EPB41L2: variants seen among roughly 807,000 people sequenced by gnomAD.
EPB41L2 encodes band 4.1-like protein 2.
A neutral mutation model predicts 113.0 loss-of-function variants in EPB41L2; 43 were observed. That is an observed-to-expected ratio of 0.38 (90% CI 0.30 to 0.49). The LOEUF is 0.49. Ranked by LOEUF, EPB41L2 falls within the 20% of genes least tolerant of loss-of-function variation. The pLI is 0.95. For missense variants in EPB41L2, 1,147 were observed against 1,223.4 expected, an observed-to-expected ratio of 0.94 and a Z score of 0.93; for synonymous variants, 442 against 436.7, an observed-to-expected ratio of 1.01 and a Z score of -0.15.
intron 3 of EPB41L2, among the ~76,000 whole-genome samples, chr6:130,952,441 T>C (rs1815506420): frequency 6.6e-6 from 1 of 151,540 alleles, no homozygotes; most frequent in African/African-American, 2.4e-5. Context: ...TATACAACAG[T>C]CTAAATGAAT....
rs923069716 is a variant in EPB41L2 at position 130,885,126 on chromosome 6, T to C, written c.1803A>G (p.Lys601=). ...DGRREVRSPT[K]APHLQLIEGK... ...CTTCAATGAGCTGCAAATGTGGGGC[T>C]TTAGTTGGGCTTCTCACTTCCCTCC... The change falls in exon 12 of 20, where the codon AAA becomes AAG. Residue 601 remains lysine, a synonymous_variant. Coordinates refer to ENST00000337057, the MANE Select transcript of EPB41L2 (RefSeq NM_001431.4). 6 of 1,614,132 alleles carry C rather than the reference T, an allele frequency of 3.7e-6. No homozygotes were observed. Among genetic ancestry groups the C allele is most frequent in the Non-Finnish European group, 5.1e-6 (6 of 1,179,994 alleles).
chr6:130,852,582 ATG>A (rs1046695166), intron 19 of EPB41L2, among the ~76,000 whole-genome samples: 21 of 152,146 alleles, frequency 1.4e-4, no homozygotes, highest in African/African-American at 4.3e-4. Context: ...CCTAAATATG[ATG>A]TGTGATTCTC....
At chr6:131,033,581 A>G (rs558168778) in intron 1 of EPB41L2, among the ~76,000 whole-genome samples, 2 of 152,378 alleles carry the variant, frequency 1.3e-5, no homozygotes, top group East Asian at 3.9e-4. Flanking sequence ...ACATATACAT[A>G]CAATGAAATA....
chr6:131,023,852 CAAAT>C (rs1030222935), intron 1 of EPB41L2, among the ~76,000 whole-genome samples: 1 of 151,098 alleles, frequency 6.6e-6, no homozygotes, highest in Non-Finnish European at 1.5e-5. Context: ...TTTCCCATAT[CAAAT>C]AAATAAACCT....
intron 3 of EPB41L2, among the ~76,000 whole-genome samples, chr6:130,952,329 A>G (rs1263702337): frequency 6.6e-6 from 1 of 151,876 alleles, no homozygotes; most frequent in Non-Finnish European, 1.5e-5. Context: ...ACTCTTACAC[A>G]AGGAAACATG....
chr6:130,980,384 A>G (rs73621588), intron 1 of EPB41L2, among the ~76,000 whole-genome samples: 5,077 of 152,224 alleles, frequency 0.033, 254 homozygotes, highest in African/African-American at 0.1. Context: ...AAGTAGAAAG[A>G]AAGGAAAATG....
chr6:131,049,738 G>A (rs1420847744), intron 1 of EPB41L2, among the ~76,000 whole-genome samples: 1 of 152,138 alleles, frequency 6.6e-6, no homozygotes, highest in East Asian at 1.9e-4. Flanking sequence ...TTTTTCAGTA[G>A]TATTTCAAAA....
At position 130,985,548 on chromosome 6, in the gene EPB41L2, C is replaced by G. The variant is rs534165027; in HGVS notation, c.-14-29049G>C. Among the ~76,000 whole-genome samples the G allele has an allele frequency of 2.0e-5, 3 of 152,242 alleles. No individual in the cohort carries two copies. The South Asian group carries it at 6.2e-4, about 32-fold the overall frequency. ...ACGTCTCCTGCAGCAGGTAGCATGGCCAAGTGAGGTCCAGATGGGACATCG... is the reference window on the plus strand; with the variant it reads ...ACGTCTCCTGCAGCAGGTAGCATGGGCAAGTGAGGTCCAGATGGGACATCG... On this transcript the variant is annotated intron_variant, in intron 1 of 19. Transcript: ENST00000337057.
chr6:131,018,900 G>A (rs1788850604), intron 1 of EPB41L2, among the ~76,000 whole-genome samples: 1 of 152,142 alleles, frequency 6.6e-6, no homozygotes, highest in Non-Finnish European at 1.5e-5. Flanking sequence ...GTTTACTGGT[G>A]TAATTCTCTA....
At chr6:130,971,455 G>C (rs1446322026) in intron 1 of EPB41L2, among the ~76,000 whole-genome samples, 2 of 152,010 alleles carry the variant, frequency 1.3e-5, no homozygotes, top group African/African-American at 4.8e-5. Context: ...CACTATTCTT[G>C]TACTTTTATT....
At position 130,940,464 on chromosome 6, in the gene EPB41L2, C is replaced by A. The variant is rs557168577; in HGVS notation, c.706-13755G>T. 1.1e-4 allele frequency among the ~76,000 whole-genome samples: 16 copies of A among 142,968 alleles called. 1 individual carries two copies. The highest frequency in any genetic ancestry group is 4.2e-4 in the African/African-American group (16 of 37,922). 93.8% of individuals were successfully genotyped at this position (142,968 alleles called of 152,430 possible). A position where few individuals can be genotyped will look rare whatever the true frequency, so the allele number is the denominator to read the frequency against. On this transcript the variant is annotated intron_variant, in intron 3 of 19. Transcript: ENST00000337057. ...ATAGCTGAGTTTTTCCTAAATATAT[C>A]TTTTTTTTTTTTCTTTTGGGAGATG...
intron 1 of EPB41L2, among the ~76,000 whole-genome samples, chr6:131,052,476 A>G (rs1244090581): frequency 1.3e-5 from 2 of 152,214 alleles, no homozygotes; most frequent in Admixed American, 1.3e-4. Context: ...AAAAGATTAT[A>G]TCATGTTTGA....
intron 1 of EPB41L2, among the ~76,000 whole-genome samples, chr6:131,040,240 C>T (rs1337876083): frequency 6.6e-6 from 1 of 152,124 alleles, no homozygotes; most frequent in East Asian, 1.9e-4. Context: ...GGATTCGAGA[C>T]CAGCCTGGCC....
chr6:130,987,837 G>A (rs1348606063), intron 1 of EPB41L2, among the ~76,000 whole-genome samples: 1 of 151,450 alleles, frequency 6.6e-6, no homozygotes, highest in Non-Finnish European at 1.5e-5. Context: ...GGTGGGCTAG[G>A]TGCAGTGGCT....
At chr6:130,974,143 T>C (rs929287990) in intron 1 of EPB41L2, among the ~76,000 whole-genome samples, 7 of 152,038 alleles carry the variant, frequency 4.6e-5, no homozygotes, top group African/African-American at 9.7e-5. Flanking sequence ...CTTTGGGAGA[T>C]AGGTTTAGAT....
intron 3 of EPB41L2, among the ~76,000 whole-genome samples, chr6:130,951,672 C>G (rs1815153644): frequency 6.6e-6 from 1 of 151,910 alleles, no homozygotes; most frequent in Admixed American, 6.6e-5. Context: ...TTGCACCAGC[C>G]TAATATAAGC....
chr6:130,850,825 C>A (rs189534991), intron 19 of EPB41L2, among the ~76,000 whole-genome samples: 3 of 152,326 alleles, frequency 2.0e-5, no homozygotes, highest in Admixed American at 1.3e-4. Context: ...CGCATTAGAG[C>A]AGTGGTACCC....
rs17059735 is a variant in EPB41L2 at position 130,869,169 on chromosome 6, T to G, written c.2607+394A>C. Among the ~76,000 whole-genome samples the G allele has an allele frequency of 0.02, 3,038 of 152,236 alleles. 195 individuals carry two copies. In the East Asian group the frequency reaches 0.26, roughly 13 times the overall value. The stretch of plus-strand genomic sequence containing the variant: ...ACACACTCAGCAGTGACCATTTTTT[T>G]TTTCAACATTACATATACATTTTTC... On this transcript the variant is annotated intron_variant, in intron 15 of 19. Coordinates refer to ENST00000337057, the MANE Select transcript of EPB41L2 (RefSeq NM_001431.4).
intron 4 of EPB41L2, among the ~76,000 whole-genome samples, chr6:130,911,905 AC>A (rs35047356): frequency 0.31 from 47,859 of 151,954 alleles, 9,986 homozygotes; most frequent in African/African-American, 0.58. Context: ...GGGGTCCTCA[AC>A]CCCCATCCCA....
Sources: gnomAD v4.1 joint callset for allele counts (sites outside exome capture counted in the v4.1 genomes callset) on GRCh38, gnomAD v4.1.1 for gene constraint, MANE v1.5 for transcripts, NCBI Gene and HGNC (gene_info 2026-07-23, HGNC 2026-07-21) for gene names.